MYO16: variants seen among roughly 807,000 people sequenced by gnomAD.
MYO16 encodes the protein myosin XVI.
A neutral mutation model predicts 205.3 loss-of-function variants in MYO16; 94 were observed. The ratio of observed to expected loss-of-function variants is 0.46; its 90% CI spans 0.39 to 0.54. The LOEUF is 0.54. MYO16 is among the 20% of genes least tolerant of loss of function. The pLI, the probability that MYO16 is intolerant of heterozygous loss-of-function variation, is 0.00. For missense variants in MYO16, 2,315 were observed against 2,387.5 expected, an observed-to-expected ratio of 0.97 and a Z score of 0.63; for synonymous variants, 988 against 954.0, an observed-to-expected ratio of 1.04 and a Z score of -0.66.
At chr13:108,617,116 G>A (rs151160391) in intron 1 of MYO16, among the ~76,000 whole-genome samples, 5 of 152,080 alleles carry the variant, frequency 3.3e-5, no homozygotes, top group Admixed American at 2.0e-4. Flanking sequence ...TCTTGCCACC[G>A]AGTGTGCCAT....
At chr13:108,682,521 C>A (rs1882504263) in intron 2 of MYO16, among the ~76,000 whole-genome samples, 1 of 152,004 alleles carries the variant, frequency 6.6e-6, no homozygotes, top group South Asian at 2.1e-4. Context: ...GATTGCAAAC[C>A]ATATATACTA....
chr13:108,886,464 TA>T, intron 13 of MYO16: 1 of 454,758 alleles, frequency 2.2e-6, no homozygotes, highest in South Asian at 1.6e-5. Context: ...CACGAGAGAG[TA>T]AGTGGAGTAG....
intron 21 of MYO16, among the ~76,000 whole-genome samples, chr13:108,999,144 T>C (rs1422131589): frequency 1.3e-5 from 2 of 152,198 alleles, no homozygotes; most frequent in African/African-American, 2.4e-5. Context: ...TGGGACAGGA[T>C]CCATGTAATT....
At chr13:108,669,572 A>G (rs1453622190) in intron 2 of MYO16, among the ~76,000 whole-genome samples, 1 of 152,190 alleles carries the variant, frequency 6.6e-6, no homozygotes, top group African/African-American at 2.4e-5. Flanking sequence ...TCTAATGACC[A>G]GTGATGATGA....
intron 23 of MYO16, among the ~76,000 whole-genome samples, chr13:109,044,321 A>G (rs919487569): frequency 2.0e-5 from 3 of 152,198 alleles, no homozygotes; most frequent in Non-Finnish European, 4.4e-5. Context: ...GGAAGAGAAT[A>G]ACGTTAATAG....
intron 27 of MYO16, among the ~76,000 whole-genome samples, chr13:109,062,290 C>T (rs1043943417): frequency 6.6e-6 from 1 of 152,130 alleles, no homozygotes; most frequent in Non-Finnish European, 1.5e-5. Context: ...TATTCATTCA[C>T]AATGCTTGTG....
At chr13:108,714,120 A>G (rs1008387221) in intron 3 of MYO16, among the ~76,000 whole-genome samples, 6 of 152,028 alleles carry the variant, frequency 3.9e-5, no homozygotes, top group Non-Finnish European at 4.4e-5. Context: ...GCAGTGGTGC[A>G]ATCTCGGCTC....
intron 1 of MYO16, among the ~76,000 whole-genome samples, chr13:108,615,282 A>C (rs998096321): frequency 6.6e-6 from 1 of 152,132 alleles, no homozygotes; most frequent in Non-Finnish European, 1.5e-5. Context: ...GGCTAAAATA[A>C]AACGTCAATC....
At chr13:109,130,318 C>G (rs1335478544) in intron 31 of MYO16, among the ~76,000 whole-genome samples, 2 of 152,174 alleles carry the variant, frequency 1.3e-5, no homozygotes, top group Non-Finnish European at 2.9e-5. Flanking sequence ...AGAAGCTTGT[C>G]AAAGGGCAAG....
chr13:108,906,215 A>G (rs923731555), intron 15 of MYO16, among the ~76,000 whole-genome samples: 4 of 152,140 alleles, frequency 2.6e-5, no homozygotes, highest in African/African-American at 9.7e-5. Context: ...GAGGAACTCA[A>G]AAGGGAGGGA....
intron 4 of MYO16, among the ~76,000 whole-genome samples, chr13:108,772,185 CA>C (rs372838535): frequency 0.08 from 12,079 of 151,236 alleles, 618 homozygotes; most frequent in Non-Finnish European, 0.12. Context: ...CCAGTTTCTG[CA>C]AAAAAAATAT....
intron 34 of MYO16, among the ~76,000 whole-genome samples, chr13:109,183,842 C>A (rs1879560597): frequency 6.6e-6 from 1 of 152,172 alleles, no homozygotes; most frequent in Admixed American, 6.5e-5. Context: ...TCACTCCTGC[C>A]ATAGCTGCCG....
chr13:109,021,570 G>A (rs956289030), intron 23 of MYO16, among the ~76,000 whole-genome samples: 1 of 152,188 alleles, frequency 6.6e-6, no homozygotes, highest in Non-Finnish European at 1.5e-5. Flanking sequence ...CTGGATCCCA[G>A]TGCAAGGATA....
intron 20 of MYO16, among the ~76,000 whole-genome samples, chr13:108,975,123 A>G (rs1164708937): frequency 6.6e-6 from 1 of 151,750 alleles, no homozygotes; most frequent in Non-Finnish European, 1.5e-5. Flanking sequence ...AATCCTTGGT[A>G]TGCTTGCTAA....
intron 2 of MYO16, among the ~76,000 whole-genome samples, chr13:108,690,660 T>C (rs1882861516): frequency 6.6e-6 from 1 of 152,170 alleles, no homozygotes; most frequent in Admixed American, 6.5e-5. Flanking sequence ...TATGCAACCA[T>C]TTGTCTCCAG....
chr13:108,998,182 C>CT (rs71680300), intron 21 of MYO16, among the ~76,000 whole-genome samples: 21,744 of 152,204 alleles, frequency 0.14, 1,642 homozygotes, highest in East Asian at 0.21. Flanking sequence ...CTTAATTGGA[C>CT]TTTTCCACAT....
the MYO16 span, among the ~76,000 whole-genome samples, chr13:108,583,455 A>T: frequency 6.6e-6 from 1 of 152,324 alleles, no homozygotes; most frequent in Non-Finnish European, 1.5e-5. Flanking sequence ...GGTTGCTAAC[A>T]TGGAGTATTT....
intron 27 of MYO16, among the ~76,000 whole-genome samples, chr13:109,063,346 G>C (rs918173001): frequency 6.6e-6 from 1 of 152,120 alleles, no homozygotes; most frequent in Non-Finnish European, 1.5e-5. Flanking sequence ...AAGACTTAAG[G>C]ACTCTGTCTT....
intron 1 of MYO16, among the ~76,000 whole-genome samples, chr13:108,596,820 A>T (rs112189332): frequency 1.1e-3 from 163 of 152,318 alleles, no homozygotes; most frequent in African/African-American, 3.5e-3. Context: ...TTCAGCCTTG[A>T]CACTTTATTT....
Sources: gnomAD v4.1 joint callset for allele counts (sites outside exome capture counted in the v4.1 genomes callset) on GRCh38, gnomAD v4.1.1 for gene constraint, MANE v1.5 for transcripts, NCBI Gene and HGNC (gene_info 2026-07-23, HGNC 2026-07-21) for gene names.